Variants in CDH18 observed in about 807,000 individuals in gnomAD.
CDH18 encodes the protein cadherin-18.
A neutral mutation model predicts 67.9 loss-of-function variants in CDH18; 31 were observed. That is an observed-to-expected ratio of 0.46 (90% CI 0.34 to 0.62). CDH18 has a LOEUF of 0.62. Ranked by LOEUF, CDH18 falls within the 20% of genes least tolerant of loss-of-function variation. CDH18 has a pLI of 0.01. For missense variants in CDH18, 890 were observed against 975.5 expected, an observed-to-expected ratio of 0.91 and a Z score of 1.17; for synonymous variants, 362 against 347.2, an observed-to-expected ratio of 1.04 and a Z score of -0.48.
intron 2 of CDH18, among the ~76,000 whole-genome samples, chr5:20,065,437 T>C (rs1488131358): frequency 6.6e-6 from 1 of 152,012 alleles, no homozygotes; most frequent in African/African-American, 2.4e-5. Flanking sequence ...TATAATTTTA[T>C]TAAATAAAAA....
At chr5:20,170,008 T>C (rs1269429459) in intron 2 of CDH18, among the ~76,000 whole-genome samples, 2 of 152,026 alleles carry the variant, frequency 1.3e-5, no homozygotes, top group Non-Finnish European at 2.9e-5. Flanking sequence ...TTTATTATAT[T>C]TATATTTTTC....
intron 5 of CDH18, among the ~76,000 whole-genome samples, chr5:19,675,904 T>C (rs1245969783): frequency 6.6e-6 from 1 of 151,964 alleles, no homozygotes; most frequent in Non-Finnish European, 1.5e-5. Flanking sequence ...GTCCATGAAA[T>C]CTTCACAATT....
rs1452819913 is a variant in CDH18 at position 20,457,777 on chromosome 5, G to C, written c.-580+117685C>G. On this transcript the variant is annotated intron_variant, in intron 1 of 14. Transcript: ENST00000507958. ...TAATGTGGAGGCAGGATGAATATAA[G>C]ACAAGGCTGGACAAAAAAACTGGAG... 2.0e-5 allele frequency among the ~76,000 whole-genome samples: 3 copies of C among 152,170 alleles called. No homozygotes were observed. In the East Asian group the frequency reaches 5.8e-4, roughly 29 times the overall value.
At chr5:19,546,837 GAGAC>G in intron 8 of CDH18, among the ~76,000 whole-genome samples, 1 of 152,202 alleles carries the variant, frequency 6.6e-6, no homozygotes, top group African/African-American at 2.4e-5. Flanking sequence ...CACATAAAAA[GAGAC>G]AGATTGTATC....
At chr5:19,628,648 T>C (rs1379549294) in intron 5 of CDH18, among the ~76,000 whole-genome samples, 1 of 151,986 alleles carries the variant, frequency 6.6e-6, no homozygotes, top group African/African-American at 2.4e-5. Flanking sequence ...GGGAGGTGGT[T>C]GGAAATCAGG....
At chr5:19,737,177 C>T (rs985075261) in intron 4 of CDH18, among the ~76,000 whole-genome samples, 1 of 152,064 alleles carries the variant, frequency 6.6e-6, no homozygotes, top group African/African-American at 2.4e-5. Flanking sequence ...GCTGTGTCTC[C>T]CCTCTATACC....
At chr5:20,312,289 C>T (rs1003603498) in intron 1 of CDH18, among the ~76,000 whole-genome samples, 2 of 152,138 alleles carry the variant, frequency 1.3e-5, no homozygotes, top group African/African-American at 4.8e-5. Context: ...CCTGACCCTA[C>T]CTTGACTTTC....
intron 1 of CDH18, among the ~76,000 whole-genome samples, chr5:20,264,187 T>A (rs1332611554): frequency 6.6e-6 from 1 of 152,064 alleles, no homozygotes; most frequent in African/African-American, 2.4e-5. Flanking sequence ...TAATAATGCT[T>A]CAGTTTAAAT....
chr5:20,080,643 T>C (rs1744387638), intron 2 of CDH18, among the ~76,000 whole-genome samples: 1 of 152,134 alleles, frequency 6.6e-6, no homozygotes, highest in South Asian at 2.1e-4. Flanking sequence ...ATTCAGTGTA[T>C]CTGAGATTTA....
chr5:20,177,114 A>G (rs928398009), intron 2 of CDH18, among the ~76,000 whole-genome samples: 2 of 152,164 alleles, frequency 1.3e-5, no homozygotes, highest in African/African-American at 4.8e-5. Context: ...CAGATGATGA[A>G]TAATATTTGA....
intron 3 of CDH18, among the ~76,000 whole-genome samples, chr5:19,806,401 G>T (rs999472048): frequency 5.3e-5 from 8 of 152,112 alleles, no homozygotes; most frequent in African/African-American, 1.9e-4. Flanking sequence ...AAAGCAAATG[G>T]CATTTTGTTA....
chr5:20,135,983 A>G (rs533412696), intron 2 of CDH18, among the ~76,000 whole-genome samples: 3 of 152,236 alleles, frequency 2.0e-5, no homozygotes, highest in African/African-American at 7.2e-5. Context: ...CTCTTCTTTT[A>G]CATTTGCTGA....
intron 2 of CDH18, among the ~76,000 whole-genome samples, chr5:20,062,432 A>T (rs1243847840): frequency 6.6e-6 from 1 of 152,062 alleles, no homozygotes; most frequent in East Asian, 1.9e-4. Flanking sequence ...GGATGGAATC[A>T]GTTCTCTTTA....
intron 1 of CDH18, among the ~76,000 whole-genome samples, chr5:20,283,719 G>A (rs1365453920): frequency 6.6e-6 from 1 of 151,916 alleles, no homozygotes; most frequent in Non-Finnish European, 1.5e-5. Context: ...TGAAAATAGA[G>A]CTACCATATG....
At position 20,407,497 on chromosome 5, in the gene CDH18, G is replaced by GAAAA. The variant is rs72455204; in HGVS notation, c.-579-151996_-579-151993dup. Among the ~76,000 whole-genome samples, 757 of 137,750 alleles carry GAAAA rather than the reference G, an allele frequency of 5.5e-3. 11 individuals carry two copies. Among genetic ancestry groups the GAAAA allele is most frequent in the African/African-American group, 0.016 (576 of 36,956 alleles). 90.4% of individuals were successfully genotyped at this position (137,750 alleles called of 152,430 possible). A position where few individuals can be genotyped will look rare whatever the true frequency, so the allele number is the denominator to read the frequency against. On this transcript the variant is annotated intron_variant, in intron 1 of 14. Transcript: ENST00000507958. ...TTTCTAATGCATATACACCAATGAG[G>GAAAA]AAAAAAAAAAAAACTCGTAGAAGTT...
chr5:20,080,527 T>G (rs2150541429), intron 2 of CDH18, among the ~76,000 whole-genome samples: 1 of 152,284 alleles, frequency 6.6e-6, no homozygotes, highest in Non-Finnish European at 1.5e-5. Context: ...TAATCCCACC[T>G]AACTCAGGTT....
intron 5 of CDH18, among the ~76,000 whole-genome samples, chr5:19,657,406 A>G (rs2150297556): frequency 6.6e-6 from 1 of 152,290 alleles, no homozygotes; most frequent in South Asian, 2.1e-4. Flanking sequence ...CAAATTCGGT[A>G]GAACCAACGA....
At chr5:19,560,418 C>G (rs1739246434) in intron 8 of CDH18, among the ~76,000 whole-genome samples, 1 of 151,966 alleles carries the variant, frequency 6.6e-6, no homozygotes. Context: ...GAAAAAGATA[C>G]CCAGTTCAAC....
chr5:19,705,965 C>A (rs1371150624), intron 5 of CDH18, among the ~76,000 whole-genome samples: 1 of 152,174 alleles, frequency 6.6e-6, no homozygotes, highest in African/African-American at 2.4e-5. Context: ...AATGTCTTCA[C>A]AGATGGGTCT....
Sources: gnomAD v4.1 joint callset for allele counts (sites outside exome capture counted in the v4.1 genomes callset) on GRCh38, gnomAD v4.1.1 for gene constraint, MANE v1.5 for transcripts, NCBI Gene and HGNC (gene_info 2026-07-23, HGNC 2026-07-21) for gene names.